The following CSMD1 variants were observed in gnomAD, a reference collection of about 807,000 sequenced individuals.
CSMD1 encodes CUB and Sushi multiple domains 1, also known as CUB and sushi domain-containing protein 1.
CSMD1 carries 213 observed loss-of-function variants against 417.5 expected under a neutral mutation model. That is an observed-to-expected ratio of 0.51 (90% CI 0.46 to 0.57). CSMD1 has a LOEUF of 0.57. Ranked by LOEUF, CSMD1 falls within the 20% of genes least tolerant of loss-of-function variation. The pLI is 0.00. For missense variants in CSMD1, 6,923 were observed against 4,529.7 expected (o/e 1.53, Z -15.17); for synonymous variants, 2,862 against 1,736.8 (o/e 1.65, Z -16.11).
chr8:3,887,061 A>T (rs1806615077), intron 5 of CSMD1, among the ~76,000 whole-genome samples: 1 of 152,098 alleles, frequency 6.6e-6, no homozygotes, highest in African/African-American at 2.4e-5. Flanking sequence ...TCCCACCTAC[A>T]CATCAAGACA....
At chr8:4,993,687 C>T (rs1811601445) in intron 1 of CSMD1, among the ~76,000 whole-genome samples, 1 of 152,174 alleles carries the variant, frequency 6.6e-6, no homozygotes, top group African/African-American at 2.4e-5. Flanking sequence ...ACGCACCTTG[C>T]CAACACCTTA....
chr8:3,336,503 G>C (rs1807271312), intron 23 of CSMD1, among the ~76,000 whole-genome samples: 2 of 152,200 alleles, frequency 1.3e-5, no homozygotes, highest in African/African-American at 4.8e-5. Context: ...TATTGTCCCT[G>C]CTTCACAGAT....
chr8:4,710,144 G>A (rs1416094307), intron 1 of CSMD1, among the ~76,000 whole-genome samples: 3 of 151,754 alleles, frequency 2.0e-5, no homozygotes, highest in South Asian at 4.2e-4. Flanking sequence ...TTCTAAGGGG[G>A]GATTAATTCC....
intron 6 of CSMD1, among the ~76,000 whole-genome samples, chr8:3,720,559 CA>C (rs1802095388): frequency 1.3e-5 from 2 of 151,632 alleles, no homozygotes; most frequent in Non-Finnish European, 2.9e-5. Flanking sequence ...CCTTCTTAAA[CA>C]GGGGTGACAC....
At chr8:3,707,024 C>G (rs1449960504) in intron 7 of CSMD1, among the ~76,000 whole-genome samples, 1 of 151,790 alleles carries the variant, frequency 6.6e-6, no homozygotes, top group Non-Finnish European at 1.5e-5. Context: ...TGGGAGACAC[C>G]TAAGACCAGA....
rs139581712 is a variant in CSMD1, at chr8:3,362,912, T to C, written c.3116-3572A>G. 1.1e-3 allele frequency among the ~76,000 whole-genome samples: 174 copies of C among 152,324 alleles called. 1 individual carries two copies. Among genetic ancestry groups the C allele is most frequent in the African/African-American group, 3.9e-3 (164 of 41,576 alleles). ...ACATGTTCCTGTTGAGACTCACGCATTGTCTTTCAAGTAAACATTGAAAAA... is the reference window on the plus strand; with the variant it reads ...ACATGTTCCTGTTGAGACTCACGCACTGTCTTTCAAGTAAACATTGAAAAA... On this transcript the variant is annotated intron_variant, in intron 20 of 69. Coordinates refer to ENST00000635120, the MANE Select transcript of CSMD1 (RefSeq NM_033225.6).
At chr8:4,336,328 T>A (rs1032696476) in intron 3 of CSMD1, among the ~76,000 whole-genome samples, 2 of 152,044 alleles carry the variant, frequency 1.3e-5, no homozygotes, top group African/African-American at 4.8e-5. Flanking sequence ...AAAGGCACAT[T>A]TTTAGTTAGG....
intron 1 of CSMD1, among the ~76,000 whole-genome samples, chr8:4,942,503 T>A (rs1808075728): frequency 6.6e-6 from 1 of 152,240 alleles, no homozygotes; most frequent in Non-Finnish European, 1.5e-5. Flanking sequence ...ATTTGTTAAA[T>A]TCATTTTTTC....
At chr8:4,470,060 T>C (rs1325980596) in intron 2 of CSMD1, among the ~76,000 whole-genome samples, 1 of 151,826 alleles carries the variant, frequency 6.6e-6, no homozygotes, top group African/African-American at 2.4e-5. Context: ...TTAGTAGAGA[T>C]GGGGTTTCAC....
At chr8:3,124,730 G>C (rs1817401093) in intron 41 of CSMD1, among the ~76,000 whole-genome samples, 1 of 152,100 alleles carries the variant, frequency 6.6e-6, no homozygotes, top group Non-Finnish European at 1.5e-5. Flanking sequence ...ACGTTCATTA[G>C]AACACATTTT....
chr8:3,380,147 A>G (rs1324092168), intron 18 of CSMD1, among the ~76,000 whole-genome samples: 2 of 152,238 alleles, frequency 1.3e-5, no homozygotes, highest in African/African-American at 4.8e-5. Context: ...AAAGCTCATC[A>G]TCACTGGTCA....
intron 3 of CSMD1, among the ~76,000 whole-genome samples, chr8:4,122,412 T>C (rs1802535932): frequency 6.6e-6 from 1 of 152,164 alleles, no homozygotes; most frequent in African/African-American, 2.4e-5. Flanking sequence ...TCCCATTAAA[T>C]ATGAACAACA....
At chr8:4,481,489 G>C (rs1213374316) in intron 2 of CSMD1, among the ~76,000 whole-genome samples, 1 of 152,170 alleles carries the variant, frequency 6.6e-6, no homozygotes, top group African/African-American at 2.4e-5. Flanking sequence ...AGGCATATGA[G>C]ATTTGATCAA....
chr8:3,562,814 G>T (rs1481490930), intron 10 of CSMD1, among the ~76,000 whole-genome samples: 1 of 151,850 alleles, frequency 6.6e-6, no homozygotes, highest in East Asian at 1.9e-4. Flanking sequence ...AAACAACTAA[G>T]GCGCACTAGG....
intron 1 of CSMD1, among the ~76,000 whole-genome samples, chr8:4,848,100 AT>A (rs372818550): frequency 1.3e-5 from 2 of 150,916 alleles, no homozygotes; most frequent in Non-Finnish European, 1.5e-5. Flanking sequence ...CAACTGTGTT[AT>A]TTTTTTTGGA....
In CSMD1 at chr8:3,187,940, T is replaced by A; in HGVS notation, c.5549A>T (p.Glu1850Val). Residue 1850 changes from glutamate (E) to valine (V), a missense_variant, in exon 36 of 70, where the codon GAG (glutamate) becomes GTG (valine). Glu to Val is a moderately radical substitution (Grantham distance 121, BLOSUM62 -2). Coordinates refer to ENST00000635120, the MANE Select transcript of CSMD1 (RefSeq NM_033225.6). ...IQIQVISFATEQNWDSLEIHD... is the reference protein window; with the variant it reads ...IQIQVISFATVQNWDSLEIHD... The stretch of plus-strand genomic sequence containing the variant: ...GATCTCAAGGGAGTCCCAGTTCTGC[T>A]CCGTGGCAAAACTGATCACTTGGAT... 6.2e-7 allele frequency: 1 copy of A among 1,613,304 alleles called. No homozygotes were observed. The highest frequency in any genetic ancestry group is 8.5e-7 in the Non-Finnish European group (1 of 1,179,724).
At chr8:3,008,401 G>A (rs1367658473) in intron 52 of CSMD1, among the ~76,000 whole-genome samples, 1 of 152,208 alleles carries the variant, frequency 6.6e-6, no homozygotes, top group Admixed American at 6.5e-5. Context: ...CTGCACACCT[G>A]CAGTTTATAG....
At position 4,460,418 on chromosome 8, in the gene CSMD1, A is replaced by T. The variant is rs185645389; in HGVS notation, c.303-40353T>A. 1.6e-4 allele frequency among the ~76,000 whole-genome samples: 25 copies of T among 152,264 alleles called. 1 individual carries two copies. The East Asian group carries it at 4.2e-3, about 26-fold the overall frequency. ...CATAAATAGCCTCACCTTCCACCTC[A>T]CTGTCCTGGAAAAAGTACAAGCTAA... On this transcript the variant is annotated intron_variant, in intron 2 of 69. Transcript: ENST00000635120.
At chr8:4,073,732 C>A (rs139131671) in intron 3 of CSMD1, among the ~76,000 whole-genome samples, 2 of 152,204 alleles carry the variant, frequency 1.3e-5, no homozygotes, top group East Asian at 1.9e-4. Flanking sequence ...TAGACACCAG[C>A]TGTTTTCCAT....
Sources: allele counts gnomAD v4.1 joint callset (sites outside exome capture counted in the v4.1 genomes callset), GRCh38; gene constraint gnomAD v4.1.1; transcripts MANE v1.5; gene names NCBI Gene and HGNC (gene_info 2026-07-23, HGNC 2026-07-21).